The following PDE10A variants were observed in gnomAD, a reference collection of about 807,000 sequenced individuals.
PDE10A encodes the protein phosphodiesterase 10A, also known as cAMP and cAMP-inhibited cGMP 3',5'-cyclic phosphodiesterase 10A.
PDE10A carries 39 observed loss-of-function variants against 97.7 expected under a neutral mutation model. The ratio of observed to expected loss-of-function variants is 0.40; its 90% CI spans 0.31 to 0.52. PDE10A has a LOEUF of 0.52. Among genes scored for constraint, PDE10A ranks in the 20% least tolerant of loss-of-function variants. PDE10A has a pLI of 0.56. For synonymous variants in PDE10A, 371 were observed against 376.8 expected (o/e 0.98, Z 0.18); for missense variants, 731 against 1,047.8 (o/e 0.70, Z 4.17).
intron 1 of PDE10A, among the ~76,000 whole-genome samples, chr6:165,976,966 T>C (rs898259730): frequency 2.6e-5 from 4 of 152,226 alleles, no homozygotes; most frequent in African/African-American, 9.6e-5. Flanking sequence ...CATCGAAGCA[T>C]TGTCCCAAAC....
At chr6:165,653,189 T>C (rs1400976766) in intron 1 of PDE10A, among the ~76,000 whole-genome samples, 2 of 152,244 alleles carry the variant, frequency 1.3e-5, no homozygotes, top group African/African-American at 4.8e-5. Flanking sequence ...TCATATTCCC[T>C]CACTTAAGCA....
Position 165,662,348 on chromosome 6 carries a change from CCCG to C in PDE10A, c.461_463del (p.Ala154del), listed in dbSNP as rs879175879. ...TCCTCCGCCAGCATCGCCGCCTCCT[CCCG>C]CCGCCGCCGCCGCCGCTGCGCCCTC... On this transcript the variant is annotated inframe_deletion, in exon 1 of 22. Coordinates refer to ENST00000539869, the MANE Select transcript of PDE10A (RefSeq NM_001385079.1). The C allele has an allele frequency of 2.3e-3, 368 of 160,504 alleles. No homozygotes were observed. Among genetic ancestry groups the C allele is most frequent in the Middle Eastern group, 0.012 (4 of 332 alleles). The allele number at this position is 160,504 out of a possible 1,614,324, so 9.9% of individuals were successfully genotyped here. A position where few individuals can be genotyped will look rare whatever the true frequency, so the allele number is the denominator to read the frequency against.
At chr6:165,786,584 A>G (rs1778501946) in intron 1 of PDE10A, among the ~76,000 whole-genome samples, 1 of 152,230 alleles carries the variant, frequency 6.6e-6, no homozygotes, top group Non-Finnish European at 1.5e-5. Context: ...CTTTTAGAAT[A>G]CAAAGATGAC....
intron 7 of PDE10A, among the ~76,000 whole-genome samples, chr6:165,432,154 GAGA>G (rs1285525974): frequency 6.6e-6 from 1 of 152,150 alleles, no homozygotes; most frequent in Non-Finnish European, 1.5e-5. Flanking sequence ...GTACTTCAGG[GAGA>G]AGGACAAGAA....
chr6:165,818,454 A>C (rs1371568340), intron 1 of PDE10A, among the ~76,000 whole-genome samples: 1 of 152,196 alleles, frequency 6.6e-6, no homozygotes, highest in Non-Finnish European at 1.5e-5. Flanking sequence ...AAATTCAAGC[A>C]TGCTGCAATC....
At chr6:165,505,833 T>C (rs965101685) in intron 2 of PDE10A, among the ~76,000 whole-genome samples, 17 of 152,266 alleles carry the variant, frequency 1.1e-4, no homozygotes, top group Middle Eastern at 3.4e-3. Flanking sequence ...TACAGATTGG[T>C]TGCATTCAAA....
At position 165,441,760 on chromosome 6, in the gene PDE10A, A is replaced by C. The variant is rs182035302; in HGVS notation, c.1195-6383T>G. Among the ~76,000 whole-genome samples the C allele has an allele frequency of 2.6e-3, 391 of 152,312 alleles. 2 individuals are homozygous for C. The highest frequency in any genetic ancestry group is 8.9e-3 in the African/African-American group (370 of 41,566). ...GCTCATCACTGTCTCCCCGGGTTTA[A>C]CATGGTGCCTGGTGATGACTGGGGC... On this transcript the variant is annotated intron_variant, in intron 5 of 21. Transcript: ENST00000539869.
chr6:165,931,363 A>G (rs997213181), intron 1 of PDE10A, among the ~76,000 whole-genome samples: 2 of 152,236 alleles, frequency 1.3e-5, no homozygotes, highest in Non-Finnish European at 2.9e-5. Flanking sequence ...ATAGGTGTTC[A>G]ACACGTATTT....
At chr6:165,508,052 C>T (rs1781301162) in intron 2 of PDE10A, among the ~76,000 whole-genome samples, 1 of 151,940 alleles carries the variant, frequency 6.6e-6, no homozygotes, top group African/African-American at 2.4e-5. Flanking sequence ...TTTAAAAGGC[C>T]ATTACTTGTA....
At position 165,329,071 on chromosome 6, in the gene PDE10A, T is replaced by C. The variant is rs987819681; in HGVS notation, c.*3954A>G. 3 of 152,262 alleles carry C rather than the reference T, an allele frequency of 2.0e-5. No homozygotes were observed. Among genetic ancestry groups the C allele is most frequent in the Non-Finnish European group, 4.4e-5 (3 of 68,050 alleles). The allele number at this position is 152,262 out of a possible 1,614,324, so 9.4% of individuals were successfully genotyped here. On this transcript the variant is annotated 3_prime_UTR_variant, in exon 22 of 22. Coordinates refer to ENST00000539869, the MANE Select transcript of PDE10A (RefSeq NM_001385079.1). Reference sequence around the variant, plus strand: ...ATCCACTATAGTGACTAAATGAATATAGTCTTTAAAGAATTAAATCCTAAA... The same window carrying C: ...ATCCACTATAGTGACTAAATGAATACAGTCTTTAAAGAATTAAATCCTAAA...
At chr6:165,497,624 A>T (rs960482050) in intron 2 of PDE10A, among the ~76,000 whole-genome samples, 4 of 152,204 alleles carry the variant, frequency 2.6e-5, no homozygotes, top group African/African-American at 4.8e-5. Flanking sequence ...TTTACTTCAT[A>T]GAACTTAGTC....
At chr6:165,641,871 C>G (rs546845355) in intron 1 of PDE10A, among the ~76,000 whole-genome samples, 4 of 152,226 alleles carry the variant, frequency 2.6e-5, no homozygotes, top group Non-Finnish European at 4.4e-5. Context: ...AGCGGTGTTT[C>G]GGTTCATCTC....
chr6:165,811,142 G>A (rs1350031961), intron 1 of PDE10A, among the ~76,000 whole-genome samples: 2 of 152,152 alleles, frequency 1.3e-5, no homozygotes, highest in Non-Finnish European at 2.9e-5. Context: ...AGAATTGCTT[G>A]AACCCAGGAG....
chr6:165,426,427 GA>G (rs1789172690), intron 10 of PDE10A, among the ~76,000 whole-genome samples: 1 of 152,046 alleles, frequency 6.6e-6, no homozygotes, highest in Admixed American at 6.6e-5. Context: ...TAGCTACATG[GA>G]AAAGAATGAA....
chr6:165,343,033 A>C (rs1197040130), intron 19 of PDE10A, among the ~76,000 whole-genome samples: 1 of 152,226 alleles, frequency 6.6e-6, no homozygotes, highest in Admixed American at 6.5e-5. Context: ...ATCCTGTATT[A>C]TGGGACCCTC....
rs146985669 is a variant in PDE10A, at chr6:165,626,686, T to C, written c.865+35261A>G. Among the ~76,000 whole-genome samples, 990 of 151,784 alleles carry C rather than the reference T, an allele frequency of 6.5e-3. 8 individuals carry two copies. The highest frequency in any genetic ancestry group is 0.013 in the Admixed American group (190 of 15,190). On this transcript the variant is annotated intron_variant, in intron 1 of 21. Transcript: ENST00000539869. The stretch of plus-strand genomic sequence containing the variant: ...TTAAGAGAGAAGGTAAAAGGCACTT[T>C]GCGATTTCCCTCCCTGGTGCGGCTC...
intron 18 of PDE10A, among the ~76,000 whole-genome samples, chr6:165,352,657 A>G (rs976636013): frequency 6.6e-6 from 1 of 152,272 alleles, no homozygotes; most frequent in South Asian, 2.1e-4. Flanking sequence ...GAAAAAAAAA[A>G]ACACAATGCA....
At chr6:165,548,700 G>A (rs1210833446) in intron 1 of PDE10A, among the ~76,000 whole-genome samples, 2 of 152,126 alleles carry the variant, frequency 1.3e-5, no homozygotes, top group Non-Finnish European at 2.9e-5. Context: ...GCTTGACAAT[G>A]GTGATTTTCC....
At chr6:165,634,921 G>C (rs1228538557) in intron 1 of PDE10A, among the ~76,000 whole-genome samples, 1 of 152,212 alleles carries the variant, frequency 6.6e-6, no homozygotes, top group Non-Finnish European at 1.5e-5. Context: ...TGGTCCAGGT[G>C]GCTCCATGGG....
Sources: allele counts gnomAD v4.1 joint callset (sites outside exome capture counted in the v4.1 genomes callset), GRCh38; gene constraint gnomAD v4.1.1; transcripts MANE v1.5; gene names NCBI Gene and HGNC (gene_info 2026-07-23, HGNC 2026-07-21).